SLC36A1: variants seen among roughly 807,000 people sequenced by gnomAD.
The protein encoded by SLC36A1 is proton-coupled amino acid transporter 1.
In SLC36A1, 30 loss-of-function variants were observed where a neutral mutation model predicts 47.5. The observed-to-expected ratio is 0.63, with a 90% CI of 0.47 to 0.86. SLC36A1 has a LOEUF of 0.86. Ranked by LOEUF, SLC36A1 falls within the 40% of genes least tolerant of loss-of-function variation. The probability of loss-of-function intolerance (pLI) is 0.00; values close to 1 mark genes in which losing one functional copy is unlikely to be tolerated. For missense variants in SLC36A1, 517 were observed against 606.0 expected (o/e 0.85, Z 1.54); for synonymous variants, 255 against 249.7 (o/e 1.02, Z -0.20).
the SLC36A1 span, among the ~76,000 whole-genome samples, chr5:151,405,453 A>G: frequency 1.3e-5 from 2 of 150,794 alleles, no homozygotes; most frequent in African/African-American, 2.4e-5. Flanking sequence ...GGGCTGAACA[A>G]TCTGCCTGCC....
chr5:151,552,400 G>T, the SLC36A1 span, among the ~76,000 whole-genome samples: 4 of 152,196 alleles, frequency 2.6e-5, no homozygotes, highest in African/African-American at 9.7e-5. Flanking sequence ...GAGGTTCAAA[G>T]AGCTTGGGTC....
chr5:151,527,123 G>A, the SLC36A1 span: 2 of 1,148,048 alleles, frequency 1.7e-6, no homozygotes, highest in Non-Finnish European at 2.5e-6. Flanking sequence ...GGACATCAGT[G>A]GCAAAGTCAC....
the SLC36A1 span, among the ~76,000 whole-genome samples, chr5:151,353,769 C>T: frequency 6.6e-6 from 1 of 152,166 alleles, no homozygotes; most frequent in African/African-American, 2.4e-5. Flanking sequence ...TTCACTGTCT[C>T]CATAGTTTTG....
At chr5:151,521,557 C>G in the SLC36A1 span, 1 of 1,614,234 alleles carries the variant, frequency 6.2e-7, no homozygotes, top group Non-Finnish European at 8.5e-7. Flanking sequence ...CACATCCACA[C>G]CAGCCACGGC....
Position 151,490,573 on chromosome 5 carries a change from G to C in SLC36A1, c.*2319G>C, listed in dbSNP as rs1349871808. 6.6e-6 allele frequency: 1 copy of C among 152,340 alleles called. No homozygotes were observed. Among genetic ancestry groups the C allele is most frequent in the Non-Finnish European group, 1.5e-5 (1 of 68,130 alleles). 9.4% of individuals were successfully genotyped at this position (152,340 alleles called of 1,614,324 possible). Reference sequence around the variant, plus strand: ...TCCCCCAGCTCTTAGCAGGATGCAGGCTATTGCTTCCACACCCCTGGCCGT... The same window carrying C: ...TCCCCCAGCTCTTAGCAGGATGCAGCCTATTGCTTCCACACCCCTGGCCGT... On this transcript the variant is annotated 3_prime_UTR_variant, in exon 11 of 11. Coordinates refer to ENST00000243389, the MANE Select transcript of SLC36A1 (RefSeq NM_078483.4).
chr5:151,528,278 C>A, the SLC36A1 span: 1 of 887,252 alleles, frequency 1.1e-6, no homozygotes. Context: ...AAAGTAATCT[C>A]TTCACTTACA....
chr5:151,545,793 C>T, the SLC36A1 span: 3 of 1,614,160 alleles, frequency 1.9e-6, no homozygotes, highest in Non-Finnish European at 2.5e-6. Flanking sequence ...TGTTTTTATC[C>T]ATGATCATGC....
the SLC36A1 span, among the ~76,000 whole-genome samples, chr5:151,417,842 A>G: frequency 6.6e-6 from 1 of 152,386 alleles, no homozygotes; most frequent in South Asian, 2.1e-4. Flanking sequence ...TCAATGGGGA[A>G]AACATCTCCA....
At chr5:151,449,833 G>A (rs188501313) in intron 1 of SLC36A1, among the ~76,000 whole-genome samples, 1 of 152,330 alleles carries the variant, frequency 6.6e-6, no homozygotes, top group East Asian at 1.9e-4. Flanking sequence ...GTAGAGGGTT[G>A]GACTAGACAA....
At chr5:151,376,717 C>G in the SLC36A1 span, among the ~76,000 whole-genome samples, 1 of 152,128 alleles carries the variant, frequency 6.6e-6, no homozygotes, top group African/African-American at 2.4e-5. Context: ...ACTGCAACCT[C>G]TGCCTCCCAG....
the SLC36A1 span, among the ~76,000 whole-genome samples, chr5:151,370,941 C>T: frequency 5.9e-5 from 9 of 152,224 alleles, no homozygotes; most frequent in East Asian, 1.3e-3. Flanking sequence ...TGCAGTGAGC[C>T]AAGATCGCAG....
the SLC36A1 span, among the ~76,000 whole-genome samples, chr5:151,518,526 C>T: frequency 6.6e-6 from 1 of 151,974 alleles, no homozygotes; most frequent in Non-Finnish European, 1.5e-5. Flanking sequence ...GATTTTAGAC[C>T]CACAAGGGTT....
chr5:151,356,913 A>G, the SLC36A1 span, among the ~76,000 whole-genome samples: 82,066 of 152,048 alleles, frequency 0.54, 25,072 homozygotes, highest in African/African-American at 0.85. Context: ...GAAGCTAGAT[A>G]GGGTCAAGGG....
the SLC36A1 span, chr5:151,544,526 G>C: frequency 1.2e-6 from 2 of 1,614,076 alleles, no homozygotes; most frequent in South Asian, 2.2e-5. Flanking sequence ...ATGAGCCGGA[G>C]TCCCTCTGGA....
At chr5:151,543,562 T>C in the SLC36A1 span, 2 of 1,614,240 alleles carry the variant, frequency 1.2e-6, no homozygotes, top group Non-Finnish European at 1.7e-6. Context: ...TGCTAGTTTA[T>C]TGATGATAGT....
the SLC36A1 span, among the ~76,000 whole-genome samples, chr5:151,357,011 C>T: frequency 1.3e-5 from 2 of 152,226 alleles, no homozygotes; most frequent in Non-Finnish European, 2.9e-5. Context: ...GCACTTGACC[C>T]ATCCAGAATC....
intron 3 of SLC36A1, among the ~76,000 whole-genome samples, chr5:151,463,936 T>G (rs1486704442): frequency 6.6e-6 from 1 of 152,228 alleles, no homozygotes; most frequent in Non-Finnish European, 1.5e-5. Context: ...GAGCAGTTTC[T>G]GTCAATAATA....
chr5:151,505,376 C>A, the SLC36A1 span: 287 of 675,230 alleles, frequency 4.3e-4, 2 homozygotes, highest in Middle Eastern at 2.4e-3. Context: ...GGAGCTCTAT[C>A]CTCAGCTTCC....
the SLC36A1 span, among the ~76,000 whole-genome samples, chr5:151,538,403 C>T: frequency 6.6e-6 from 1 of 152,202 alleles, no homozygotes; most frequent in African/African-American, 2.4e-5. Context: ...TGCTATTAAG[C>T]TCATCTCCCT....
Sources: allele counts gnomAD v4.1 joint callset (sites outside exome capture counted in the v4.1 genomes callset), GRCh38; gene constraint gnomAD v4.1.1; transcripts MANE v1.5; gene names NCBI Gene and HGNC (gene_info 2026-07-23, HGNC 2026-07-21).